Variants in OSTC observed in about 807,000 individuals in gnomAD.
The protein encoded by OSTC is oligosaccharyltransferase complex non-catalytic subunit.
Under a neutral mutation model 16.4 loss-of-function variants are expected in OSTC, and 16 were observed. The observed-to-expected ratio is 0.98, with a 90% CI of 0.66 to 1.49. The LOEUF (loss-of-function observed/expected upper bound fraction) is 1.49, where lower values mean the gene tolerates loss of function less well. Among genes scored for constraint, OSTC ranks in the 40% most tolerant of loss-of-function variants. The pLI, the probability that OSTC is intolerant of heterozygous loss-of-function variation, is 0.00. For synonymous variants in OSTC, 67 were observed against 68.5 expected (o/e 0.98, Z 0.11); for missense variants, 139 against 186.3 (o/e 0.75, Z 1.48).
intron 1 of OSTC, among the ~76,000 whole-genome samples, chr4:108,653,763 G>C (rs545163955): frequency 2.0e-5 from 3 of 152,242 alleles, no homozygotes; most frequent in African/African-American, 7.2e-5. Context: ...TGTTGAAGTT[G>C]GTCAACTAAC....
chr4:108,654,211 A>G (rs1189315360), intron 1 of OSTC, among the ~76,000 whole-genome samples: 3 of 152,228 alleles, frequency 2.0e-5, no homozygotes, highest in Non-Finnish European at 4.4e-5. Flanking sequence ...AGCAGTATCA[A>G]TGGTTGCAGA....
At chr4:108,653,659 G>A (rs1039130558) in intron 1 of OSTC, among the ~76,000 whole-genome samples, 1 of 152,134 alleles carries the variant, frequency 6.6e-6, no homozygotes. Context: ...AAAGTTTTTG[G>A]TGGAAAATGG....
At chr4:108,657,234 C>T (rs1375038953) in intron 2 of OSTC, among the ~76,000 whole-genome samples, 1 of 151,922 alleles carries the variant, frequency 6.6e-6, no homozygotes, top group Non-Finnish European at 1.5e-5. Context: ...GTTGTATATC[C>T]CCCAGAACCT....
At chr4:108,658,179 G>A (rs1726761674) in intron 3 of OSTC, among the ~76,000 whole-genome samples, 1 of 151,906 alleles carries the variant, frequency 6.6e-6, no homozygotes. Context: ...TGATCCTCCT[G>A]CCTCGGCCTT....
intron 1 of OSTC, chr4:108,651,645 T>G (rs961047167): frequency 6.6e-6 from 1 of 152,282 alleles, no homozygotes; most frequent in Admixed American, 6.5e-5. Flanking sequence ...CTGTGTACAT[T>G]TAGATTTGGG....
intron 3 of OSTC, among the ~76,000 whole-genome samples, chr4:108,665,810 G>C (rs7665506): frequency 5.9e-5 from 9 of 151,928 alleles, no homozygotes; most frequent in Admixed American, 2.6e-4. Flanking sequence ...CACCTACCTC[G>C]GCTTCCCAAA....
rs529578130 is a variant in OSTC at position 108,658,822 on chromosome 4, T to G, written c.431+1175T>G. On this transcript the variant is annotated intron_variant, in intron 3 of 3. Coordinates refer to ENST00000361564, the MANE Select transcript of OSTC (RefSeq NM_021227.4). Reference sequence around the variant, plus strand: ...ACCTGTCCATTGTCTGTAACACACCTGGGGTAGAATGGGCAAAAGTACATG... The same window carrying G: ...ACCTGTCCATTGTCTGTAACACACCGGGGGTAGAATGGGCAAAAGTACATG... Among the ~76,000 whole-genome samples the G allele has an allele frequency of 7.9e-5, 12 of 152,198 alleles. No homozygotes were observed. The South Asian group carries it at 2.5e-3, about 32-fold the overall frequency.
intron 3 of OSTC, among the ~76,000 whole-genome samples, chr4:108,661,411 A>G (rs1019408586): frequency 5.3e-5 from 8 of 152,128 alleles, no homozygotes; most frequent in African/African-American, 1.9e-4. Flanking sequence ...TCATGTATGT[A>G]TGCGTCTGTA....
intron 3 of OSTC, among the ~76,000 whole-genome samples, chr4:108,658,272 A>G (rs868109931): frequency 3.2e-4 from 49 of 152,216 alleles, no homozygotes; most frequent in African/African-American, 1.1e-3. Context: ...AATCTGTAAC[A>G]CAGAATTCCA....
At position 108,667,462 on chromosome 4, in the gene OSTC, C is replaced by G. The variant is rs1727038080; in HGVS notation, c.*197C>G. The G allele has an allele frequency of 1.6e-5, 7 of 443,916 alleles. No homozygotes were observed. In the Admixed American group the frequency reaches 2.5e-4, roughly 16 times the overall value. 27.5% of individuals were successfully genotyped at this position (443,916 alleles called of 1,614,324 possible). On this transcript the variant is annotated 3_prime_UTR_variant, in exon 4 of 4. Transcript: ENST00000361564. Reference sequence around the variant, plus strand: ...TGGTATTAAAGAGACAAGTTTATCACAGAATTTTTTTTCCTGCTGGCCTAT... The same window carrying G: ...TGGTATTAAAGAGACAAGTTTATCAGAGAATTTTTTTTCCTGCTGGCCTAT...
chr4:108,658,107 T>C (rs371987566), intron 3 of OSTC, among the ~76,000 whole-genome samples: 9 of 151,996 alleles, frequency 5.9e-5, no homozygotes, highest in African/African-American at 2.2e-4. Flanking sequence ...ATTTTTTGTA[T>C]TTTTAGTAGA....
At chr4:108,664,912 T>G (rs1295003456) in intron 3 of OSTC, among the ~76,000 whole-genome samples, 1 of 152,126 alleles carries the variant, frequency 6.6e-6, no homozygotes, top group African/African-American at 2.4e-5. Context: ...ATTTTTAAAT[T>G]TTTGTTCAGT....
At chr4:108,651,039 T>A in intron 1 of OSTC, 1 of 475,490 alleles carries the variant, frequency 2.1e-6, no homozygotes, top group South Asian at 3.2e-5. Flanking sequence ...AGCCCTCCCA[T>A]CCCAGGGATC....
At chr4:108,662,532 AT>A (rs1304180469) in intron 3 of OSTC, among the ~76,000 whole-genome samples, 3 of 152,096 alleles carry the variant, frequency 2.0e-5, no homozygotes, top group African/African-American at 7.2e-5. Flanking sequence ...AGTTTTGTTG[AT>A]TTCACTGGCT....
rs78474290 is a variant in OSTC, at chr4:108,663,529, G to C, written c.432-3718G>C. ...GAATAAACCATTACTGTTTCTAAAA[G>C]AAGAAAGTGAGGTTTCCATTTCTAG... is the stretch of plus-strand genomic sequence containing the variant. On this transcript the variant is annotated intron_variant, in intron 3 of 3. Transcript: ENST00000361564. Among the ~76,000 whole-genome samples the C allele has an allele frequency of 9.7e-3, 1,483 of 152,312 alleles. 28 individuals are homozygous for C. Among genetic ancestry groups the C allele is most frequent in the African/African-American group, 0.034 (1,401 of 41,572 alleles).
At chr4:108,663,652 A>G (rs1205182411) in intron 3 of OSTC, among the ~76,000 whole-genome samples, 1 of 152,146 alleles carries the variant, frequency 6.6e-6, no homozygotes, top group Admixed American at 6.5e-5. Context: ...CAAACGACTT[A>G]ATTGCTGTCA....
chr4:108,656,866 G>A (rs1399989241), intron 2 of OSTC, among the ~76,000 whole-genome samples: 5 of 152,130 alleles, frequency 3.3e-5, no homozygotes, highest in South Asian at 2.1e-4. Context: ...TTGGGAGGCC[G>A]AGATGGGCGG....
chr4:108,652,160 C>T (rs1726571373), intron 1 of OSTC: 1 of 151,984 alleles, frequency 6.6e-6, no homozygotes. Context: ...GTGCTCGCTT[C>T]GGCAGCACAT....
intron 1 of OSTC, 153 bp downstream of exon 1, chr4:108,650,947 G>A: frequency 1.8e-6 from 2 of 1,100,656 alleles, no homozygotes; most frequent in Non-Finnish European, 2.5e-6. Context: ...GGTCCGAAGT[G>A]TTAACGTCCA....
Sources: allele counts gnomAD v4.1 joint callset (sites outside exome capture counted in the v4.1 genomes callset), GRCh38; gene constraint gnomAD v4.1.1; transcripts MANE v1.5; gene names NCBI Gene and HGNC (gene_info 2026-07-23, HGNC 2026-07-21).